Variants in SLC16A2 observed in about 807,000 individuals in gnomAD.
SLC16A2 encodes solute carrier family 16 member 2.
SLC16A2 carries 3 observed loss-of-function variants against 27.2 expected under a neutral mutation model. The observed-to-expected ratio is 0.11, with a 90% CI of 0.05 to 0.28. The LOEUF (loss-of-function observed/expected upper bound fraction) is 0.28. SLC16A2 is among the 10% of genes least tolerant of loss of function. The pLI is 1.00. For synonymous variants in SLC16A2, 202 were observed against 187.8 expected (o/e 1.08, Z -0.62); for missense variants, 295 against 458.5 (o/e 0.64, Z 3.26).
chrX:74,448,986 A>G (rs1928889366), intron 1 of SLC16A2, among the ~76,000 whole-genome samples: 1 of 110,702 alleles, frequency 9.0e-6, no homozygotes, highest in African/African-American at 3.3e-5. Flanking sequence ...ACTGTGTTTC[A>G]CCCTGCCCAA....
At chrX:74,482,455 C>A (rs951724825) in intron 1 of SLC16A2, among the ~76,000 whole-genome samples, 2 of 111,636 alleles carry the variant, frequency 1.8e-5, no homozygotes, top group Non-Finnish European at 3.8e-5. Flanking sequence ...TAATGCCCCA[C>A]ATTTCTCTGA....
chrX:74,442,395 C>A (rs1444949034), intron 1 of SLC16A2, among the ~76,000 whole-genome samples: 3 of 110,957 alleles, frequency 2.7e-5, no homozygotes, highest in Non-Finnish European at 5.7e-5. Context: ...CTCATCTGAA[C>A]AAATTCATCT....
chrX:74,519,874 G>A (rs1930380320), intron 1 of SLC16A2, among the ~76,000 whole-genome samples: 1 of 111,090 alleles, frequency 9.0e-6, no homozygotes, highest in Admixed American at 9.6e-5. Flanking sequence ...GCTGATAGGA[G>A]ATGAAATGGC....
At chrX:74,495,922 C>T (rs190803963) in intron 1 of SLC16A2, among the ~76,000 whole-genome samples, 1 of 111,199 alleles carries the variant, frequency 9.0e-6, no homozygotes, top group African/African-American at 3.3e-5. Context: ...GGTCTAGACC[C>T]AGCCAAGTCC....
At chrX:74,461,911 A>G (rs1212397840) in intron 1 of SLC16A2, among the ~76,000 whole-genome samples, 2 of 111,298 alleles carry the variant, frequency 1.8e-5, no homozygotes, top group Admixed American at 9.5e-5. Context: ...GCTTTGTCCC[A>G]AGCCCCTGAA....
chrX:74,488,112 T>C (rs1929754827), intron 1 of SLC16A2, among the ~76,000 whole-genome samples: 1 of 111,539 alleles, frequency 9.0e-6, no homozygotes, highest in Non-Finnish European at 1.9e-5. Flanking sequence ...TTAAAAGGTA[T>C]CTGAGCTAGC....
intron 1 of SLC16A2, among the ~76,000 whole-genome samples, chrX:74,466,641 T>A (rs1456192346): frequency 1.8e-5 from 2 of 111,682 alleles, no homozygotes; most frequent in African/African-American, 6.5e-5. Context: ...ACATTTTCGA[T>A]CTGCTGTTGG....
intron 1 of SLC16A2, among the ~76,000 whole-genome samples, chrX:74,502,143 TATC>T (rs769757712): frequency 9.0e-6 from 1 of 111,536 alleles, no homozygotes; most frequent in East Asian, 2.8e-4. Flanking sequence ...CTTTGGGTGA[TATC>T]ATTTAATCTT....
At chrX:74,505,610 C>T (rs1170085985) in intron 1 of SLC16A2, among the ~76,000 whole-genome samples, 1 of 112,028 alleles carries the variant, frequency 8.9e-6, no homozygotes, top group African/African-American at 3.2e-5. Context: ...GGCCCCCTGA[C>T]GGTGGAGCCA....
chrX:74,525,678 T>A, intron 3 of SLC16A2, 72 bp from the exon 4 acceptor site: 1 of 1,151,416 alleles, frequency 8.7e-7, no homozygotes, highest in Non-Finnish European at 1.2e-6. Flanking sequence ...GGATTCTGGA[T>A]ATGCCTACAG....
chrX:74,476,171 T>C (rs1929473019), intron 1 of SLC16A2, among the ~76,000 whole-genome samples: 1 of 111,980 alleles, frequency 8.9e-6, no homozygotes, highest in African/African-American at 3.2e-5. Context: ...CAGTGGTTTG[T>C]AGTTCTCCTT....
chrX:74,474,686 G>A (rs1439354861), intron 1 of SLC16A2, among the ~76,000 whole-genome samples: 7 of 109,932 alleles, frequency 6.4e-5, no homozygotes, highest in African/African-American at 2.3e-4. Context: ...GTGTCCATGT[G>A]TTCTCATTGT....
At chrX:74,422,180 C>G in intron 1 of SLC16A2, 113 bp downstream of exon 1, 1 of 754,733 alleles carries the variant, frequency 1.3e-6, no homozygotes, top group African/African-American at 2.1e-5. Context: ...CTCTCCGACT[C>G]CTCCCCTTAC....
chrX:74,533,433 A>T lies in SLC16A2; in HGVS notation c.*1880A>T, dbSNP rs1279000684. The T allele has an allele frequency of 8.9e-6, 1 of 112,416 alleles. No homozygotes were observed. Among genetic ancestry groups the T allele is most frequent in the Non-Finnish European group, 1.9e-5 (1 of 53,208 alleles). 9.3% of individuals were successfully genotyped at this position (112,416 alleles called of 1,213,427 possible). ...ATCCTGTCAGTTCTAACAGTAGTGG[A>T]ACAGGAGAATCTGGGCCCTAGGAGC... On this transcript the variant is annotated 3_prime_UTR_variant, in exon 6 of 6. Coordinates refer to ENST00000587091, the MANE Select transcript of SLC16A2 (RefSeq NM_006517.5).
intron 1 of SLC16A2, among the ~76,000 whole-genome samples, chrX:74,511,910 C>T (rs1042210154): frequency 8.9e-6 from 1 of 112,149 alleles, no homozygotes; most frequent in African/African-American, 3.2e-5. Context: ...CTGGAGGTCA[C>T]TCTTCTGGTG....
intron 1 of SLC16A2, among the ~76,000 whole-genome samples, chrX:74,487,076 G>T (rs1023547612): frequency 9.1e-6 from 1 of 109,635 alleles, no homozygotes; most frequent in Non-Finnish European, 1.9e-5. Context: ...TGTTCTGGTC[G>T]CAGGAACTTT....
intron 1 of SLC16A2, among the ~76,000 whole-genome samples, chrX:74,517,545 G>A (rs371438385): frequency 3.6e-5 from 4 of 111,355 alleles, no homozygotes; most frequent in African/African-American, 1.3e-4. Context: ...TCATAAATGA[G>A]ATCTTGAACT....
chrX:74,455,796 C>T (rs1362496526), intron 1 of SLC16A2, among the ~76,000 whole-genome samples: 2 of 111,600 alleles, frequency 1.8e-5, no homozygotes, highest in Non-Finnish European at 3.8e-5. Flanking sequence ...CCTGCAGTGG[C>T]AAGACAAGGC....
At chrX:74,480,308 T>A (rs1184828586) in intron 1 of SLC16A2, among the ~76,000 whole-genome samples, 1 of 112,812 alleles carries the variant, frequency 8.9e-6, no homozygotes, top group African/African-American at 3.2e-5. Flanking sequence ...TCTCCTGGTG[T>A]GCTGTTTGCT....
Sources: allele counts gnomAD v4.1 joint callset (sites outside exome capture counted in the v4.1 genomes callset), GRCh38; gene constraint gnomAD v4.1.1; transcripts MANE v1.5; gene names NCBI Gene and HGNC (gene_info 2026-07-23, HGNC 2026-07-21).